The following ADAMTS6 variants were observed in gnomAD, a reference collection of about 807,000 sequenced individuals.
ADAMTS6 encodes the protein ADAM metallopeptidase with thrombospondin type 1 motif 6.
Under a neutral mutation model 144.3 loss-of-function variants are expected in ADAMTS6, and 23 were observed. The ratio of observed to expected loss-of-function variants is 0.16; its 90% confidence interval spans 0.11 to 0.23. The LOEUF (loss-of-function observed/expected upper bound fraction) is 0.23. ADAMTS6 is among the 10% of genes least tolerant of loss of function. ADAMTS6 has a pLI of 1.00. For synonymous variants in ADAMTS6, 444 were observed against 457.5 expected (o/e 0.97, Z 0.38); for missense variants, 999 against 1,379.6 (o/e 0.72, Z 4.37).
intron 20 of ADAMTS6, among the ~76,000 whole-genome samples, chr5:65,197,398 T>G (rs1192837830): frequency 2.0e-5 from 3 of 152,220 alleles, no homozygotes; most frequent in Non-Finnish European, 4.4e-5. Flanking sequence ...TTGGTAATCT[T>G]AAACAATTTT....
chr5:65,177,919 C>T (rs1259024083), intron 22 of ADAMTS6, among the ~76,000 whole-genome samples: 2 of 152,166 alleles, frequency 1.3e-5, no homozygotes, highest in South Asian at 2.1e-4. Flanking sequence ...TAAGTCGTGC[C>T]AAGCTCTCTC....
At chr5:65,186,892 T>C (rs1487507436) in intron 22 of ADAMTS6, among the ~76,000 whole-genome samples, 1 of 152,180 alleles carries the variant, frequency 6.6e-6, no homozygotes, top group African/African-American at 2.4e-5. Context: ...CCATGTACCA[T>C]CTTAAACACA....
Position 65,151,757 on chromosome 5 carries a change from C to G in ADAMTS6, c.*79G>C. 7.8e-7 allele frequency: 1 copy of G among 1,289,844 alleles called. No homozygotes were observed. Among genetic ancestry groups the G allele is most frequent in the Non-Finnish European group, 1.1e-6 (1 of 897,672 alleles). The allele number at this position is 1,289,844 out of a possible 1,614,324, so 79.9% of individuals were successfully genotyped here. A position where few individuals can be genotyped will look rare whatever the true frequency, so the allele number is the denominator to read the frequency against. On this transcript the variant is annotated 3_prime_UTR_variant, in exon 25 of 25. Transcript: ENST00000381055. ...TAATGCATTTGCAAGGACATCAATC[C>G]TCTTCCTCTGGGTGGCTCTCTTTGA...
intron 7 of ADAMTS6, among the ~76,000 whole-genome samples, chr5:65,362,148 T>A (rs1749886912): frequency 6.6e-6 from 1 of 152,194 alleles, no homozygotes; most frequent in Non-Finnish European, 1.5e-5. Context: ...CTCTGTAACA[T>A]CAAAACTTTG....
At chr5:65,210,821 A>C (rs1304261989) in intron 20 of ADAMTS6, 1 of 464,116 alleles carries the variant, frequency 2.2e-6, no homozygotes, top group Non-Finnish European at 4.0e-6. Context: ...GTAACTCCAG[A>C]CATGATGGGG....
chr5:65,156,950 T>C (rs534319843), intron 24 of ADAMTS6, among the ~76,000 whole-genome samples: 1 of 152,366 alleles, frequency 6.6e-6, no homozygotes, highest in East Asian at 1.9e-4. Flanking sequence ...CTCCTCTTTT[T>C]ACACCCCACT....
At position 65,453,445 on chromosome 5, in the gene ADAMTS6, G is replaced by A. The variant is rs890576767; in HGVS notation, c.632-527C>T. ...AGAAATCTCAATTCTAAAAGGCAACGAATTACTTTTTTCACTTAGGTTGGC... is the reference window on the plus strand; with the variant it reads ...AGAAATCTCAATTCTAAAAGGCAACAAATTACTTTTTTCACTTAGGTTGGC... On this transcript the variant is annotated intron_variant, in intron 4 of 24. Transcript: ENST00000381055. Among the ~76,000 whole-genome samples the A allele has an allele frequency of 6.6e-5, 10 of 152,104 alleles. 1 individual carries two copies. The highest frequency in any genetic ancestry group is 4.1e-4 in the South Asian group (2 of 4,822).
intron 7 of ADAMTS6, among the ~76,000 whole-genome samples, chr5:65,341,157 CAAAT>C (rs1747781483): frequency 6.6e-6 from 1 of 151,702 alleles, no homozygotes; most frequent in African/African-American, 2.4e-5. Context: ...TTTCTTGAAA[CAAAT>C]AAAAATAGAA....
At chr5:65,173,082 ATGT>A in intron 22 of ADAMTS6, 74 bp from the exon 23 acceptor site, 4 of 1,449,448 alleles carry the variant, frequency 2.8e-6, no homozygotes, top group African/African-American at 1.4e-5. Context: ...GTCTTTCTTC[ATGT>A]AAATGTGTGT....
chr5:65,280,660 T>C (rs1762919854), intron 11 of ADAMTS6, among the ~76,000 whole-genome samples: 1 of 152,234 alleles, frequency 6.6e-6, no homozygotes, highest in African/African-American at 2.4e-5. Flanking sequence ...ATCACATAAG[T>C]ACATGTTGTA....
intron 9 of ADAMTS6, among the ~76,000 whole-genome samples, chr5:65,305,729 C>T (rs536963496): frequency 9.2e-5 from 14 of 152,068 alleles, no homozygotes; most frequent in Admixed American, 4.6e-4. Context: ...TTTAGGAACA[C>T]GAACACAGAG....
chr5:65,163,439 G>A (rs976653428), intron 24 of ADAMTS6, among the ~76,000 whole-genome samples: 1 of 152,100 alleles, frequency 6.6e-6, no homozygotes, highest in Non-Finnish European at 1.5e-5. Context: ...TAAATTATGT[G>A]TATAATAAGT....
At chr5:65,329,323 A>G in intron 9 of ADAMTS6, 55 bp downstream of exon 9, 1 of 1,512,920 alleles carries the variant, frequency 6.6e-7, no homozygotes, top group Non-Finnish European at 9.1e-7. Context: ...AGTAGTTACA[A>G]GTTGCTCAAG....
intron 7 of ADAMTS6, among the ~76,000 whole-genome samples, chr5:65,377,991 C>G (rs1372653498): frequency 6.6e-6 from 1 of 152,124 alleles, no homozygotes; most frequent in Admixed American, 6.6e-5. Context: ...TGGCCATATT[C>G]TCCATGTTTG....
At chr5:65,348,985 T>C (rs1748604460) in intron 7 of ADAMTS6, among the ~76,000 whole-genome samples, 1 of 152,158 alleles carries the variant, frequency 6.6e-6, no homozygotes, top group Admixed American at 6.5e-5. Flanking sequence ...CATCTAAAAT[T>C]TTTTCTTTCC....
chr5:65,172,735 A>G lies in ADAMTS6; in HGVS notation c.3087+97T>C, dbSNP rs779315909. ...CTTAGACTTCTACGTGTTAATTCTT[A>G]CTCATCTCTCAAGCCCTTACAATGA... On this transcript the variant is annotated intron_variant, in intron 23 of 24. Coordinates refer to ENST00000381055, the MANE Select transcript of ADAMTS6 (RefSeq NM_197941.4). The G allele has an allele frequency of 3.8e-5, 52 of 1,376,906 alleles. No homozygotes were observed. In the Admixed American group the frequency reaches 4.2e-4, roughly 11 times the overall value. The allele number at this position is 1,376,906 out of a possible 1,614,324, so 85.3% of individuals were successfully genotyped here. A position where few individuals can be genotyped will look rare whatever the true frequency, so the allele number is the denominator to read the frequency against.
Position 65,194,552 on chromosome 5 carries a change from T to A in ADAMTS6, c.2705+2470A>T, listed in dbSNP as rs145056773. Among the ~76,000 whole-genome samples, 4 of 152,338 alleles carry A rather than the reference T, an allele frequency of 2.6e-5. No individual in the cohort carries two copies. The East Asian group carries it at 7.7e-4, about 29-fold the overall frequency. ...TCAACTTTGTATAGGTTTATCAGGA[T>A]GTAATCCCACCACAAGTCAAGCATA... is the stretch of plus-strand genomic sequence containing the variant. On this transcript the variant is annotated intron_variant, in intron 21 of 24. Coordinates refer to ENST00000381055, the MANE Select transcript of ADAMTS6 (RefSeq NM_197941.4).
intron 12 of ADAMTS6, among the ~76,000 whole-genome samples, chr5:65,270,909 G>C (rs1438055151): frequency 1.3e-5 from 2 of 152,074 alleles, no homozygotes; most frequent in African/African-American, 4.8e-5. Context: ...TTTTAAACCA[G>C]AGCATTTCCA....
chr5:65,188,234 T>C lies in ADAMTS6; in HGVS notation c.2706-14A>G. On this transcript the variant is annotated splice_polypyrimidine_tract_variant and intron_variant, in intron 21 of 24. Coordinates refer to ENST00000381055, the MANE Select transcript of ADAMTS6 (RefSeq NM_197941.4). ...CCAATGAACCACCTGCAGCAAGACATGGAAGAAACACAGAAAAGCATTTCC... is the reference window on the plus strand; with the variant it reads ...CCAATGAACCACCTGCAGCAAGACACGGAAGAAACACAGAAAAGCATTTCC... 6.2e-7 allele frequency: 1 copy of C among 1,612,292 alleles called. No individual in the cohort carries two copies. The highest frequency in any genetic ancestry group is 8.5e-7 in the Non-Finnish European group (1 of 1,179,800).
Sources: allele counts gnomAD v4.1 joint callset (sites outside exome capture counted in the v4.1 genomes callset), GRCh38; gene constraint gnomAD v4.1.1; transcripts MANE v1.5; gene names NCBI Gene and HGNC (gene_info 2026-07-23, HGNC 2026-07-21).